Variants in CCDC7 observed in about 807,000 individuals in gnomAD.
The protein encoded by CCDC7 is coiled-coil domain containing 7, also known as coiled-coil domain-containing protein 7.
Under a neutral mutation model 196.9 loss-of-function variants are expected in CCDC7, and 183 were observed. That is an observed-to-expected ratio of 0.93 (90% confidence interval 0.82 to 1.05). The LOEUF (loss-of-function observed/expected upper bound fraction) is 1.05, where lower values mean the gene tolerates loss of function less well. Among genes scored for constraint, CCDC7 ranks in the 50% least tolerant of loss-of-function variants. CCDC7 has a pLI of 0.00. For synonymous variants in CCDC7, 525 were observed against 484.6 expected (o/e 1.08, Z -1.10); for missense variants, 1,540 against 1,482.2 (o/e 1.04, Z -0.64).
chr10:32,801,569 AG>A (rs1024232534), intron 29 of CCDC7, among the ~76,000 whole-genome samples: 1 of 152,200 alleles, frequency 6.6e-6, no homozygotes, highest in African/African-American at 2.4e-5. Context: ...TAAATAAATT[AG>A]AAAACTCAAG....
At chr10:32,863,901 A>C (rs1435732196) in intron 41 of CCDC7, among the ~76,000 whole-genome samples, 3 of 151,162 alleles carry the variant, frequency 2.0e-5, no homozygotes, top group African/African-American at 7.3e-5. Context: ...AAATAAATAA[A>C]TAAATAAATA....
chr10:32,657,880 G>T (rs2070316122), intron 20 of CCDC7, among the ~76,000 whole-genome samples: 1 of 152,100 alleles, frequency 6.6e-6, no homozygotes, highest in Admixed American at 6.6e-5. Context: ...AATTTCTTCT[G>T]CCAGATACCA....
intron 18 of CCDC7, among the ~76,000 whole-genome samples, chr10:32,619,401 A>G (rs987737433): frequency 2.0e-5 from 3 of 152,174 alleles, no homozygotes. Context: ...TATTAAAATT[A>G]TGATGAAAAA....
intron 15 of CCDC7, among the ~76,000 whole-genome samples, chr10:32,569,833 A>G (rs768948840): frequency 2.0e-5 from 3 of 152,178 alleles, no homozygotes; most frequent in Non-Finnish European, 4.4e-5. Flanking sequence ...TGGGGTACAT[A>G]TATAGTCTAT....
intron 25 of CCDC7, among the ~76,000 whole-genome samples, chr10:32,724,749 C>T (rs909570345): frequency 6.6e-6 from 1 of 152,072 alleles, no homozygotes; most frequent in Non-Finnish European, 1.5e-5. Context: ...CTTAGTCGAG[C>T]TCTCTACTCC....
At chr10:32,506,410 T>C (rs2045124663) in intron 9 of CCDC7, among the ~76,000 whole-genome samples, 3 of 147,868 alleles carry the variant, frequency 2.0e-5, no homozygotes, top group Admixed American at 2.0e-4. Context: ...TCCCAGACGA[T>C]GGGCAGCCAG....
chr10:32,827,640 G>A (rs1419337820), intron 32 of CCDC7, among the ~76,000 whole-genome samples: 1 of 148,768 alleles, frequency 6.7e-6, no homozygotes, highest in Non-Finnish European at 1.5e-5. Context: ...ACCAGGGCCT[G>A]TCTGGGGGTG....
intron 15 of CCDC7, among the ~76,000 whole-genome samples, chr10:32,569,956 C>T (rs978643722): frequency 1.3e-5 from 2 of 152,068 alleles, no homozygotes; most frequent in Non-Finnish European, 2.9e-5. Context: ...TGGGTTTTGT[C>T]CTAGAGTTTC....
Position 32,767,303 on chromosome 10 carries a change from G to A in CCDC7, c.2906-11674G>A, listed in dbSNP as rs184788855. Among the ~76,000 whole-genome samples, 5 of 152,170 alleles carry A rather than the reference G, an allele frequency of 3.3e-5. No individual in the cohort carries two copies. In the South Asian group the frequency reaches 6.2e-4, roughly 19 times the overall value. ...AAGAGATATGTTATATTCATACTAC[G>A]TTTTGCCTTTTACCTAATTTTTATA... On this transcript the variant is annotated intron_variant, in intron 28 of 41. Coordinates refer to ENST00000639629, the Ensembl canonical transcript of CCDC7.
chr10:32,712,649 T>A (rs1367049203), intron 25 of CCDC7, among the ~76,000 whole-genome samples: 2 of 152,154 alleles, frequency 1.3e-5, no homozygotes, highest in African/African-American at 4.8e-5. Flanking sequence ...ATATTAGTGG[T>A]TTATTGTAAC....
At chr10:32,710,155 A>G (rs1267820482) in intron 24 of CCDC7, among the ~76,000 whole-genome samples, 1 of 152,196 alleles carries the variant, frequency 6.6e-6, no homozygotes, top group East Asian at 1.9e-4. Flanking sequence ...GACACAGCCC[A>G]CAAGGTACCA....
At chr10:32,463,823 A>C (rs188704603) in intron 5 of CCDC7, among the ~76,000 whole-genome samples, 1 of 152,304 alleles carries the variant, frequency 6.6e-6, no homozygotes, top group East Asian at 1.9e-4. Context: ...AGAACAGAAG[A>C]CTTTCATGGT....
At chr10:32,659,757 C>A (rs556412464) in intron 20 of CCDC7, among the ~76,000 whole-genome samples, 4 of 152,086 alleles carry the variant, frequency 2.6e-5, no homozygotes, top group African/African-American at 9.7e-5. Flanking sequence ...TAGAGAAATG[C>A]AAATGAAAAC....
At chr10:32,659,980 A>G (rs1195790285) in intron 20 of CCDC7, among the ~76,000 whole-genome samples, 2 of 152,206 alleles carry the variant, frequency 1.3e-5, no homozygotes, top group Non-Finnish European at 2.9e-5. Flanking sequence ...CTGGGTATAT[A>G]CCCAAAGGAA....
At chr10:32,606,679 G>A (rs1056368447) in intron 18 of CCDC7, among the ~76,000 whole-genome samples, 13 of 152,306 alleles carry the variant, frequency 8.5e-5, no homozygotes, top group African/African-American at 2.9e-4. Flanking sequence ...TATGGGGCCT[G>A]TCATCCTTCT....
intron 41 of CCDC7, among the ~76,000 whole-genome samples, chr10:32,868,003 G>A (rs2094268813): frequency 1.3e-5 from 2 of 151,740 alleles, no homozygotes; most frequent in Admixed American, 1.3e-4. Flanking sequence ...CCTTATGTGG[G>A]TGTAATCATA....
intron 39 of CCDC7, among the ~76,000 whole-genome samples, chr10:32,850,974 G>C (rs1283059664): frequency 6.6e-6 from 1 of 152,076 alleles, no homozygotes; most frequent in African/African-American, 2.4e-5. Context: ...AATTTTCTCA[G>C]TAAAAACATA....
Position 32,823,720 on chromosome 10 carries a change from TC to T in CCDC7, c.3182-797del, listed in dbSNP as rs2090648876. Reference sequence around the variant, plus strand: ...TTATCTGTTTTTCAATATGAAATTCTCTTTAGTAGATTTTTTAGTTTTTCCA... The same window carrying T: ...TTATCTGTTTTTCAATATGAAATTCTTTTAGTAGATTTTTTAGTTTTTCCA... On this transcript the variant is annotated intron_variant, in intron 31 of 41. Coordinates refer to ENST00000639629, the Ensembl canonical transcript of CCDC7. 3.3e-5 allele frequency among the ~76,000 whole-genome samples: 5 copies of T among 152,324 alleles called. No individual in the cohort carries two copies. The South Asian group carries it at 1.0e-3, about 32-fold the overall frequency.
chr10:32,819,687 A>C (rs4593960), intron 31 of CCDC7, among the ~76,000 whole-genome samples: 16,004 of 152,274 alleles, frequency 0.11, 1,037 homozygotes, highest in South Asian at 0.25. Flanking sequence ...AACGTGATCC[A>C]GCATATAAAC....
Sources: allele counts gnomAD v4.1 joint callset (sites outside exome capture counted in the v4.1 genomes callset), GRCh38; gene constraint gnomAD v4.1.1; transcripts MANE v1.5; gene names NCBI Gene and HGNC (gene_info 2026-07-23, HGNC 2026-07-21).